Variants in BRD10 observed in about 807,000 individuals in gnomAD.
The protein encoded by BRD10 is bromodomain containing 10.
At chr9:5,959,262 C>T in the BRD10 span, among the ~76,000 whole-genome samples, 2 of 152,152 alleles carry the variant, frequency 1.3e-5, no homozygotes, top group African/African-American at 4.8e-5. Context: ...TTACCCCTGC[C>T]AGCTTCTTTT....
chr9:6,005,966 A>C, the BRD10 span, among the ~76,000 whole-genome samples: 1 of 152,228 alleles, frequency 6.6e-6, no homozygotes, highest in Admixed American at 6.5e-5. Flanking sequence ...GGTGAAAAAA[A>C]TCACCGTTAG....
the BRD10 span, chr9:5,968,950 C>A: frequency 6.2e-7 from 1 of 1,611,552 alleles, no homozygotes; most frequent in Non-Finnish European, 8.5e-7. Context: ...TAAGTAGCCA[C>A]ACTTTTTGGT....
chr9:5,925,105 T>G, the BRD10 span, among the ~76,000 whole-genome samples: 3 of 152,042 alleles, frequency 2.0e-5, no homozygotes, highest in African/African-American at 7.2e-5. Context: ...ATGCCTATAA[T>G]CCCAGCACTT....
the BRD10 span, among the ~76,000 whole-genome samples, chr9:5,885,149 G>A: frequency 3.3e-5 from 5 of 152,100 alleles, no homozygotes; most frequent in Non-Finnish European, 5.9e-5. Flanking sequence ...TCTCTACCTC[G>A]CCACTATCCC....
At chr9:5,897,739 A>G in the BRD10 span, 3 of 1,159,032 alleles carry the variant, frequency 2.6e-6, no homozygotes, top group Admixed American at 5.1e-5. Flanking sequence ...AGAGTCAGAT[A>G]ATTGCCTCAT....
the BRD10 span, among the ~76,000 whole-genome samples, chr9:5,946,949 G>C: frequency 6.6e-6 from 1 of 151,492 alleles, no homozygotes; most frequent in Non-Finnish European, 1.5e-5. Flanking sequence ...AGATAACACA[G>C]TTATCTCTTC....
chr9:6,002,687 C>CT, the BRD10 span, among the ~76,000 whole-genome samples: 1,981 of 135,850 alleles, frequency 0.015, 13 homozygotes, highest in Non-Finnish European at 0.022. Flanking sequence ...GGATGCTGTA[C>CT]TTTTTTTTTT....
At chr9:5,978,626 T>C in the BRD10 span, among the ~76,000 whole-genome samples, 5 of 152,098 alleles carry the variant, frequency 3.3e-5, no homozygotes, top group Non-Finnish European at 5.9e-5. Context: ...ATTTAAGGAT[T>C]AGTAGGGAGC....
chr9:5,984,710 A>G, the BRD10 span, among the ~76,000 whole-genome samples: 50 of 152,290 alleles, frequency 3.3e-4, no homozygotes, highest in African/African-American at 1.2e-3. Flanking sequence ...ATTGTAAATT[A>G]AATTTTAAAA....
At chr9:5,928,478 G>A in the BRD10 span, among the ~76,000 whole-genome samples, 2 of 152,120 alleles carry the variant, frequency 1.3e-5, no homozygotes, top group Non-Finnish European at 2.9e-5. Flanking sequence ...ACATGATCTG[G>A]CTTCCTTCCT....
chr9:5,984,485 A>T, the BRD10 span, among the ~76,000 whole-genome samples: 1 of 152,218 alleles, frequency 6.6e-6, no homozygotes, highest in African/African-American at 2.4e-5. Flanking sequence ...CACTGGAGAT[A>T]AAATGGAATA....
At chr9:5,964,620 G>A in the BRD10 span, among the ~76,000 whole-genome samples, 8 of 140,362 alleles carry the variant, frequency 5.7e-5, no homozygotes, top group South Asian at 1.0e-3. Context: ...TGTTTATTGC[G>A]GCATTATTCA....
the BRD10 span, among the ~76,000 whole-genome samples, chr9:5,918,068 A>G: frequency 6.6e-6 from 1 of 152,228 alleles, no homozygotes. Context: ...CACTTGAAAT[A>G]TCACCCACTT....
At chr9:5,930,983 C>T in the BRD10 span, among the ~76,000 whole-genome samples, 1 of 152,184 alleles carries the variant, frequency 6.6e-6, no homozygotes, top group East Asian at 1.9e-4. Flanking sequence ...TTCAAGAAGT[C>T]AAATGGTCAG....
the BRD10 span, among the ~76,000 whole-genome samples, chr9:5,971,734 T>G: frequency 1.3e-5 from 2 of 152,158 alleles, no homozygotes; most frequent in Non-Finnish European, 2.9e-5. Context: ...GGAGTTTTAT[T>G]TTTTACTGAA....
At chr9:5,968,487 T>A in the BRD10 span, 1 of 1,610,990 alleles carries the variant, frequency 6.2e-7, no homozygotes, top group Non-Finnish European at 8.5e-7. Context: ...CAACAATCAG[T>A]TTTTTTAATT....
the BRD10 span, chr9:5,968,769 G>T: frequency 6.2e-7 from 1 of 1,613,896 alleles, no homozygotes; most frequent in South Asian, 1.1e-5. Flanking sequence ...GCCTGAAAGG[G>T]TCTCTGTTTA....
chr9:5,946,244 A>G, the BRD10 span, among the ~76,000 whole-genome samples: 48 of 152,256 alleles, frequency 3.2e-4, no homozygotes, highest in African/African-American at 9.4e-4. Flanking sequence ...TAACAATTAC[A>G]TATTAGGAAT....
the BRD10 span, among the ~76,000 whole-genome samples, chr9:5,879,791 G>C: frequency 6.6e-6 from 1 of 152,184 alleles, no homozygotes; most frequent in African/African-American, 2.4e-5. Flanking sequence ...CCTGCAGAAT[G>C]TCAGAGATAA....
Sources: gnomAD v4.1 joint callset for allele counts (sites outside exome capture counted in the v4.1 genomes callset) on GRCh38, gnomAD v4.1.1 for gene constraint, MANE v1.5 for transcripts, NCBI Gene and HGNC (gene_info 2026-07-23, HGNC 2026-07-21) for gene names.